Variants in EPB41 observed in about 807,000 individuals in gnomAD.
EPB41 encodes the protein protein 4.1.
A neutral mutation model predicts 108.0 loss-of-function variants in EPB41; 65 were observed. The ratio of observed to expected loss-of-function variants is 0.60; its 90% CI spans 0.49 to 0.74. EPB41 has a LOEUF of 0.74. Ranked by LOEUF, EPB41 falls within the 30% of genes least tolerant of loss-of-function variation. The probability of loss-of-function intolerance (pLI) is 0.00; values close to 1 mark genes in which losing one functional copy is unlikely to be tolerated. For missense variants in EPB41, 875 were observed against 1,037.0 expected (o/e 0.84, Z 2.15); for synonymous variants, 336 against 358.9 (o/e 0.94, Z 0.72).
intron 5 of EPB41, among the ~76,000 whole-genome samples, chr1:29,013,516 T>G (rs1377394784): frequency 6.6e-6 from 1 of 152,046 alleles, no homozygotes. Flanking sequence ...TTGTTTTTTG[T>G]GTTTTTGTTT....
intron 1 of EPB41, among the ~76,000 whole-genome samples, chr1:28,962,923 A>T (rs573228963): frequency 9.7e-4 from 148 of 152,212 alleles, no homozygotes; most frequent in African/African-American, 3.3e-3. Context: ...GAGTGTTTGT[A>T]ATAATAATAA....
intron 16 of EPB41, chr1:29,096,082 T>C (rs1322506672): frequency 1.1e-6 from 1 of 902,926 alleles, no homozygotes; most frequent in East Asian, 1.2e-4. Context: ...CAAAAATCAT[T>C]GTTGATTCTC....
At chr1:29,032,360 AC>A (rs776102535) in intron 8 of EPB41, among the ~76,000 whole-genome samples, 1 of 152,218 alleles carries the variant, frequency 6.6e-6, no homozygotes, top group Non-Finnish European at 1.5e-5. Flanking sequence ...AGTTATACCC[AC>A]AAGCTTTAAA....
At chr1:28,969,135 G>A (rs878999766) in intron 1 of EPB41, among the ~76,000 whole-genome samples, 23 of 148,300 alleles carry the variant, frequency 1.6e-4, no homozygotes, top group Middle Eastern at 3.5e-3. Flanking sequence ...CCCAAGCTGC[G>A]GTGCAGTGGC....
chr1:28,909,099 C>T (rs1451258570), intron 1 of EPB41, among the ~76,000 whole-genome samples: 2 of 144,168 alleles, frequency 1.4e-5, no homozygotes, highest in Admixed American at 7.3e-5. Flanking sequence ...GCAGAGGTTG[C>T]AGTGAGCCAA....
intron 15 of EPB41, among the ~76,000 whole-genome samples, chr1:29,061,664 C>T (rs988648045): frequency 2.1e-4 from 29 of 139,930 alleles, no homozygotes; most frequent in Non-Finnish European, 3.3e-4. Flanking sequence ...ACTGCACTCT[C>T]AGCCTCCTGG....
In EPB41 at chr1:29,039,117, T is replaced by C. The variant is rs775525764; in HGVS notation, c.1464-137T>C. On this transcript the variant is annotated intron_variant, in intron 10 of 20. Transcript: ENST00000343067. Reference sequence around the variant, plus strand: ...AAGAACTAAAATAATGATTACTTGATTGAAAATTTCTTAGTAACTATATGG... The same window carrying C: ...AAGAACTAAAATAATGATTACTTGACTGAAAATTTCTTAGTAACTATATGG... The C allele has an allele frequency of 5.3e-6, 5 of 949,716 alleles. No homozygotes were observed. In the East Asian group the frequency reaches 8.1e-5, roughly 15 times the overall value. 58.8% of individuals were successfully genotyped at this position (949,716 alleles called of 1,614,324 possible). A position where few individuals can be genotyped will look rare whatever the true frequency, so the allele number is the denominator to read the frequency against.
At chr1:28,947,336 A>T (rs1452880344) in intron 1 of EPB41, among the ~76,000 whole-genome samples, 6 of 152,076 alleles carry the variant, frequency 3.9e-5, no homozygotes, top group African/African-American at 1.4e-4. Flanking sequence ...TGATCTCGGG[A>T]GGCGGATGTT....
At chr1:28,889,846 G>T (rs1425769605) in intron 1 of EPB41, 1 of 985,138 alleles carries the variant, frequency 1.0e-6, no homozygotes, top group Non-Finnish European at 1.2e-6. Flanking sequence ...CCATATACAG[G>T]TCTGCCAGCC....
intron 16 of EPB41, among the ~76,000 whole-genome samples, chr1:29,080,356 C>T (rs1656041222): frequency 6.6e-6 from 1 of 151,696 alleles, no homozygotes. Context: ...CCCACCTTGG[C>T]CTCCCAAAGT....
chr1:28,974,190 C>T (rs776112173), intron 1 of EPB41, among the ~76,000 whole-genome samples: 3 of 152,124 alleles, frequency 2.0e-5, no homozygotes, highest in Non-Finnish European at 2.9e-5. Context: ...ATACTGAGAA[C>T]TGAGGGGCTG....
chr1:28,889,524 G>A (rs1325644039), intron 1 of EPB41, among the ~76,000 whole-genome samples: 2 of 152,258 alleles, frequency 1.3e-5, no homozygotes, highest in Non-Finnish European at 2.9e-5. Flanking sequence ...CCCTGTCAGG[G>A]CAGGACCAGC....
chr1:28,916,936 G>A (rs566074465), intron 1 of EPB41, among the ~76,000 whole-genome samples: 15 of 151,866 alleles, frequency 9.9e-5, no homozygotes, highest in African/African-American at 2.7e-4. Context: ...GACTATAGGC[G>A]TGTGCCCCCA....
At chr1:29,069,030 A>G (rs1649928043) in intron 16 of EPB41, 1 of 783,220 alleles carries the variant, frequency 1.3e-6, no homozygotes. Flanking sequence ...AGATATAAAT[A>G]TGTTTTCAGA....
intron 7 of EPB41, among the ~76,000 whole-genome samples, chr1:29,024,384 A>G (rs765565706): frequency 9.9e-5 from 15 of 151,918 alleles, no homozygotes; most frequent in South Asian, 4.1e-4. Context: ...CTGTAATCCC[A>G]GCACTTTGGG....
chr1:29,113,664 T>C (rs1367086868), intron 19 of EPB41, among the ~76,000 whole-genome samples: 1 of 152,228 alleles, frequency 6.6e-6, no homozygotes, highest in Non-Finnish European at 1.5e-5. Flanking sequence ...ATTGGTTATA[T>C]GTCCTTGAGC....
At position 29,040,267 on chromosome 1, in the gene EPB41, CT is replaced by C. The variant is rs895477393; in HGVS notation, c.1636+852del. On this transcript the variant is annotated intron_variant, in intron 11 of 20. Transcript: ENST00000343067. ...AAAGGGTCTGCCTTACTACAACAAT[CT>C]TTTTTTTTTTCTTAATTTTTTTATT... 4.1e-4 allele frequency among the ~76,000 whole-genome samples: 60 copies of C among 147,658 alleles called. 1 individual carries two copies. The Middle Eastern group carries it at 0.024, about 60-fold the overall frequency.
chr1:29,098,516 T>C (rs1248068481), intron 17 of EPB41, among the ~76,000 whole-genome samples: 1 of 151,878 alleles, frequency 6.6e-6, no homozygotes, highest in Non-Finnish European at 1.5e-5. Context: ...TAAAGCAAAA[T>C]TGTCTTAGAT....
chr1:29,072,148 G>A (rs1431433116), intron 16 of EPB41: 1 of 152,078 alleles, frequency 6.6e-6, no homozygotes, highest in Non-Finnish European at 1.5e-5. Context: ...AATTTGGTGT[G>A]CGTATATATC....
Sources: gnomAD v4.1 joint callset for allele counts (sites outside exome capture counted in the v4.1 genomes callset) on GRCh38, gnomAD v4.1.1 for gene constraint, MANE v1.5 for transcripts, NCBI Gene and HGNC (gene_info 2026-07-23, HGNC 2026-07-21) for gene names.